The following DDX21 variants were observed in gnomAD, a reference collection of about 807,000 sequenced individuals.
DDX21 encodes the protein DExD-box helicase 21.
A neutral mutation model predicts 90.0 loss-of-function variants in DDX21; 18 were observed. The observed-to-expected ratio is 0.20, with a 90% CI of 0.14 to 0.30. The LOEUF is 0.30. Ranked by LOEUF, DDX21 falls within the 10% of genes least tolerant of loss-of-function variation. The probability of loss-of-function intolerance (pLI) is 1.00; values close to 1 mark genes in which losing one functional copy is unlikely to be tolerated. For missense variants in DDX21, 673 were observed against 944.5 expected, an observed-to-expected ratio of 0.71 and a Z score of 3.77; for synonymous variants, 294 against 318.0, an observed-to-expected ratio of 0.92 and a Z score of 0.80.
intron 12 of DDX21, among the ~76,000 whole-genome samples, chr10:68,977,977 G>T (rs756439401): frequency 6.6e-6 from 1 of 151,922 alleles, no homozygotes; most frequent in African/African-American, 2.4e-5. Context: ...TTAGCTGGGC[G>T]TGGTGACATG....
At chr10:68,964,214 G>C (rs747377663) in intron 4 of DDX21, 31 of 324,870 alleles carry the variant, frequency 9.5e-5, no homozygotes, top group Non-Finnish European at 1.6e-4. Flanking sequence ...TAGAGAACTT[G>C]ACATTTAACA....
At chr10:68,970,427 G>C in intron 8 of DDX21, 77 bp downstream of exon 8, 1 of 1,382,046 alleles carries the variant, frequency 7.2e-7, no homozygotes, top group Non-Finnish European at 9.7e-7. Context: ...CTCTTGGTCT[G>C]ATTTTCATTC....
At chr10:68,969,168 TTTC>T in intron 7 of DDX21, 47 bp downstream of exon 7, 1 of 1,552,256 alleles carries the variant, frequency 6.4e-7, no homozygotes, top group Non-Finnish European at 8.7e-7. Context: ...TATATATTTT[TTTC>T]TTGTCTGTTA....
At position 68,960,193 on chromosome 10, in the gene DDX21, C is replaced by T; in HGVS notation, c.475C>T (p.Pro159Ser). 1 of 1,612,424 alleles carries T rather than the reference C, an allele frequency of 6.2e-7. No individual in the cohort carries two copies. The highest frequency in any genetic ancestry group is 8.5e-7 in the Non-Finnish European group (1 of 1,179,632). The change falls in exon 2 of 15, where the codon CCG becomes TCG. Residue 159 changes from proline to serine, a missense_variant. Physicochemically the swap from Pro to Ser is moderately conservative, Grantham distance 74. This residue lies in a region of DDX21 where 204 missense variants were observed against 221.6 expected (regional missense o/e 0.92). Transcript: ENST00000354185. ...GAAGAATGGATTTCCTCATCCTGAA[C>T]CGGACTGTAACCCCAGTGAAGCTGC... Reference protein sequence around the residue: ...KLKNGFPHPEPDCNPSEAASE... With the variant: ...KLKNGFPHPESDCNPSEAASE...
intron 13 of DDX21, among the ~76,000 whole-genome samples, chr10:68,979,793 A>G (rs900616386): frequency 6.6e-6 from 1 of 152,084 alleles, no homozygotes; most frequent in African/African-American, 2.4e-5. Flanking sequence ...TAAAGTCTCA[A>G]CCCTTTCATA....
Position 68,959,923 on chromosome 10 carries a change from A to C in DDX21, c.205A>C (p.Met69Leu), listed in dbSNP as rs780414967. 6.2e-7 allele frequency: 1 copy of C among 1,609,864 alleles called. No homozygotes were observed. Among genetic ancestry groups the C allele is most frequent in the Non-Finnish European group, 8.5e-7 (1 of 1,179,334 alleles). ...GAAAGCAGAGCCTTCTGAAGTTGACATGAATTCTCCTAAATCCAAAAAGGC... is the reference window on the plus strand; with the variant it reads ...GAAAGCAGAGCCTTCTGAAGTTGACCTGAATTCTCCTAAATCCAAAAAGGC... ...KKKAEPSEVD[M>L]NSPKSKKAKK... is the part of the protein sequence containing the mutation. Residue 69 changes from methionine (M) to leucine (L), a missense_variant, in exon 2 of 15, where the codon ATG becomes CTG. Physicochemically the swap from Met to Leu is conservative, Grantham distance 15. Coordinates refer to ENST00000354185, the MANE Select transcript of DDX21 (RefSeq NM_004728.4).
chr10:68,966,025 A>T (rs1374024557), intron 5 of DDX21, among the ~76,000 whole-genome samples: 1 of 151,940 alleles, frequency 6.6e-6, no homozygotes, highest in African/African-American at 2.4e-5. Context: ...GGCCAGGCGC[A>T]GTGGCTCACG....
At chr10:68,978,077 G>A (rs1343494575) in intron 12 of DDX21, among the ~76,000 whole-genome samples, 1 of 152,150 alleles carries the variant, frequency 6.6e-6, no homozygotes, top group Non-Finnish European at 1.5e-5. Context: ...CCATGATGGT[G>A]CCACTGCACT....
At chr10:68,977,994 T>A (rs1399256279) in intron 12 of DDX21, among the ~76,000 whole-genome samples, 6 of 149,934 alleles carry the variant, frequency 4.0e-5, no homozygotes, top group African/African-American at 1.5e-4. Context: ...CATGCTGTGG[T>A]CCCAGCTACC....
intron 14 of DDX21, 24 bp from the exon 15 acceptor site, chr10:68,982,519 A>G (rs1315474787): frequency 6.3e-7 from 1 of 1,582,876 alleles, no homozygotes. Context: ...TAAAGCACAC[A>G]AAAACAAAAC....
chr10:68,968,884 T>C lies in DDX21; in HGVS notation c.1091-92T>C, dbSNP rs114472464. Reference sequence around the variant, plus strand: ...GGCCTCAGGTGGTTGCTGGTGAACATTGATGGACTGTGGAAGTATTAGGTT... The same window carrying C: ...GGCCTCAGGTGGTTGCTGGTGAACACTGATGGACTGTGGAAGTATTAGGTT... On this transcript the variant is annotated intron_variant, in intron 6 of 14. Transcript: ENST00000354185. 2.9e-3 allele frequency: 4,184 copies of C among 1,457,132 alleles called. 13 individuals carry two copies. Among genetic ancestry groups the C allele is most frequent in the African/African-American group, 8.0e-3 (560 of 70,414 alleles). 90.3% of individuals were successfully genotyped at this position (1,457,132 alleles called of 1,614,324 possible). A position where few individuals can be genotyped will look rare whatever the true frequency, so the allele number is the denominator to read the frequency against.
At chr10:68,982,054 G>A (rs1389938698) in intron 14 of DDX21, among the ~76,000 whole-genome samples, 1 of 152,086 alleles carries the variant, frequency 6.6e-6, no homozygotes, top group Non-Finnish European at 1.5e-5. Flanking sequence ...TGTATTTTTA[G>A]TAGAGACGGG....
At chr10:68,960,683 G>A (rs1405335142) in intron 2 of DDX21, among the ~76,000 whole-genome samples, 1 of 151,170 alleles carries the variant, frequency 6.6e-6, no homozygotes. Context: ...GGCTGGTCTC[G>A]AACTCCCAAC....
chr10:68,976,602 T>C (rs1346304152), intron 11 of DDX21, among the ~76,000 whole-genome samples: 1 of 152,106 alleles, frequency 6.6e-6, no homozygotes, highest in African/African-American at 2.4e-5. Context: ...GAGTGTATTT[T>C]AACTGCATTT....
intron 1 of DDX21, among the ~76,000 whole-genome samples, 169 bp from the exon 2 acceptor site, chr10:68,959,637 C>A (rs1162901742): frequency 6.6e-6 from 1 of 152,122 alleles, no homozygotes; most frequent in Non-Finnish European, 1.5e-5. Context: ...AAAAAGCTTA[C>A]TATTTTGATT....
chr10:68,980,509 G>A lies in DDX21; in HGVS notation c.2038-1028G>A, dbSNP rs7907894. ...TACTCTACTTCGTAAATATGTAAGC[G>A]AAGATTCCCATGAATGGCAAAATCC... On this transcript the variant is annotated intron_variant, in intron 13 of 14. Coordinates refer to ENST00000354185, the MANE Select transcript of DDX21 (RefSeq NM_004728.4). Among the ~76,000 whole-genome samples, 475 of 152,200 alleles carry A rather than the reference G, an allele frequency of 3.1e-3. 3 individuals carry two copies. Among genetic ancestry groups the A allele is most frequent in the African/African-American group, 0.011 (441 of 41,530 alleles).
intron 4 of DDX21, among the ~76,000 whole-genome samples, chr10:68,963,882 C>T (rs1291427420): frequency 3.3e-5 from 5 of 151,868 alleles, no homozygotes; most frequent in Non-Finnish European, 7.4e-5. Flanking sequence ...GGGCGGATCA[C>T]GAGGTCAGGA....
chr10:68,959,586 A>T (rs976443145), intron 1 of DDX21, among the ~76,000 whole-genome samples: 1 of 152,226 alleles, frequency 6.6e-6, no homozygotes, highest in Non-Finnish European at 1.5e-5. Flanking sequence ...GAAACTATTG[A>T]TATATACCCG....
Position 68,967,081 on chromosome 10 carries a change from T to C in DDX21, c.968T>C (p.Ile323Thr), listed in dbSNP as rs375682120. 3 of 1,612,354 alleles carry C rather than the reference T, an allele frequency of 1.9e-6. No homozygotes were observed. The highest frequency in any genetic ancestry group is 2.5e-6 in the Non-Finnish European group (3 of 1,179,600). Reference protein sequence around the residue: ...VGTPGRIKDHIQNGKLDLTKL... With the variant: ...VGTPGRIKDHTQNGKLDLTKL... ...ACACCAGGTCGTATCAAAGACCACA[T>C]ACAGAATGGCAAACTAGATCTCACC... Residue 323 changes from isoleucine to threonine, a missense_variant, in exon 6 of 15, where the codon ATA (isoleucine) becomes ACA (threonine). Physicochemically the swap from Ile to Thr is moderately conservative, Grantham distance 89. Around this residue, in one of 4 missense-constraint regions of DDX21, gnomAD observed 218 missense variants for 347.3 expected, o/e 0.63. Coordinates refer to ENST00000354185, the MANE Select transcript of DDX21 (RefSeq NM_004728.4).
Sources: allele counts gnomAD v4.1 joint callset (sites outside exome capture counted in the v4.1 genomes callset), GRCh38; gene constraint gnomAD v4.1.1; regional missense constraint gnomAD v4.1.1; transcripts MANE v1.5; gene names NCBI Gene and HGNC (gene_info 2026-07-23, HGNC 2026-07-21).